The following NECAB1 variants were observed in gnomAD, a reference collection of about 807,000 sequenced individuals.
NECAB1 encodes N-terminal EF-hand calcium-binding protein 1.
Under a neutral mutation model 57.5 loss-of-function variants are expected in NECAB1, and 29 were observed. The observed-to-expected ratio is 0.50, with a 90% confidence interval of 0.38 to 0.69. The LOEUF (loss-of-function observed/expected upper bound fraction) is 0.69, where lower values mean the gene tolerates loss of function less well. Among genes scored for constraint, NECAB1 ranks in the 30% least tolerant of loss-of-function variants. The probability of loss-of-function intolerance (pLI) is 0.00; values close to 1 mark genes in which losing one functional copy is unlikely to be tolerated. For synonymous variants in NECAB1, 142 were observed against 147.7 expected, an observed-to-expected ratio of 0.96 and a Z score of 0.28; for missense variants, 372 against 413.8, an observed-to-expected ratio of 0.90 and a Z score of 0.88.
At position 90,953,717 on chromosome 8, in the gene NECAB1, A is replaced by G. The variant is rs545059663; in HGVS notation, c.1031-1770A>G. On this transcript the variant is annotated intron_variant, in intron 12 of 12. Transcript: ENST00000417640. Reference sequence around the variant, plus strand: ...TTTTAATGGCCATATAACTTCTAACACTATTTTTAAAAACCAGTTTTGTAC... The same window carrying G: ...TTTTAATGGCCATATAACTTCTAACGCTATTTTTAAAAACCAGTTTTGTAC... Among the ~76,000 whole-genome samples the G allele has an allele frequency of 9.8e-4, 150 of 152,316 alleles. 1 individual carries two copies. Among genetic ancestry groups the G allele is most frequent in the African/African-American group, 3.0e-3 (126 of 41,564 alleles).
chr8:90,797,441 A>G (rs1362354761), intron 1 of NECAB1, among the ~76,000 whole-genome samples: 2 of 152,228 alleles, frequency 1.3e-5, no homozygotes, highest in African/African-American at 4.8e-5. Context: ...ATGTTTTTAT[A>G]GTAGAAAGCA....
chr8:90,955,112 TTATATATA>T (rs59244524), intron 12 of NECAB1, among the ~76,000 whole-genome samples: 3,553 of 70,786 alleles, frequency 0.05, 310 homozygotes, highest in African/African-American at 0.15. Context: ...GGTATATAAA[TTATATATA>T]TATATATATA....
At chr8:90,802,505 A>T (rs929858924) in intron 2 of NECAB1, among the ~76,000 whole-genome samples, 2 of 152,204 alleles carry the variant, frequency 1.3e-5, no homozygotes, top group Admixed American at 1.3e-4. Flanking sequence ...TGGTAGAGGT[A>T]TATTCTTGAC....
intron 5 of NECAB1, among the ~76,000 whole-genome samples, chr8:90,890,580 A>C (rs915517468): frequency 6.6e-6 from 1 of 152,214 alleles, no homozygotes; most frequent in African/African-American, 2.4e-5. Flanking sequence ...TAATGAATAT[A>C]TATCAATAGA....
intron 4 of NECAB1, among the ~76,000 whole-genome samples, chr8:90,878,917 CTATATA>C (rs1438991590): frequency 1.4e-5 from 2 of 146,236 alleles, no homozygotes; most frequent in Non-Finnish European, 3.0e-5. Context: ...CTCTCTCTCT[CTATATA>C]TATATATAGT....
intron 2 of NECAB1, among the ~76,000 whole-genome samples, chr8:90,811,173 G>A (rs1314696422): frequency 6.6e-6 from 1 of 151,972 alleles, no homozygotes; most frequent in African/African-American, 2.4e-5. Context: ...GGATGGTCTC[G>A]ATCTCCTGAC....
chr8:90,841,032 C>T (rs1274357976), intron 3 of NECAB1, among the ~76,000 whole-genome samples: 3 of 150,290 alleles, frequency 2.0e-5, no homozygotes, highest in African/African-American at 7.4e-5. Flanking sequence ...CCGAGGCGGG[C>T]GGATCACGAG....
chr8:90,868,736 G>C (rs948144613), intron 3 of NECAB1, among the ~76,000 whole-genome samples: 1 of 152,152 alleles, frequency 6.6e-6, no homozygotes, highest in African/African-American at 2.4e-5. Context: ...AAGGGAAGCA[G>C]AGCATAAAAG....
chr8:90,936,506 C>T (rs944046507), intron 9 of NECAB1, among the ~76,000 whole-genome samples: 7 of 152,136 alleles, frequency 4.6e-5, no homozygotes, highest in African/African-American at 1.7e-4. Context: ...CCTACCATAG[C>T]TGAACCCCTG....
chr8:90,848,022 C>T (rs1812601706), intron 3 of NECAB1, among the ~76,000 whole-genome samples: 1 of 152,190 alleles, frequency 6.6e-6, no homozygotes, highest in East Asian at 1.9e-4. Flanking sequence ...TGAATTTCTC[C>T]CCAGAAAATG....
intron 1 of NECAB1, among the ~76,000 whole-genome samples, chr8:90,798,708 A>C (rs1811708227): frequency 6.6e-6 from 1 of 152,200 alleles, no homozygotes; most frequent in South Asian, 2.1e-4. Flanking sequence ...ACTGATGGGC[A>C]CTTAAGTTGA....
intron 2 of NECAB1, among the ~76,000 whole-genome samples, chr8:90,818,392 T>A (rs2221423): frequency 0.55 from 83,282 of 151,856 alleles, 26,316 homozygotes; most frequent in East Asian, 0.85. Flanking sequence ...TTGATTTTGG[T>A]TCTTTCTTCT....
At chr8:90,899,161 C>A (rs1482754008) in intron 5 of NECAB1, among the ~76,000 whole-genome samples, 1 of 152,220 alleles carries the variant, frequency 6.6e-6, no homozygotes, top group African/African-American at 2.4e-5. Flanking sequence ...CCCTGACTTA[C>A]ACCATCCTTA....
Position 90,917,482 on chromosome 8 carries a change from T to C in NECAB1, c.358-10T>C. On this transcript the variant is annotated splice_polypyrimidine_tract_variant and intron_variant, in intron 5 of 12. Transcript: ENST00000417640. ...CATACTTCTAATTGCATTTGTTTTG[T>C]CACCCTTAGGACTACCAAGAAGCCT... The C allele has an allele frequency of 1.9e-6, 3 of 1,570,418 alleles. No homozygotes were observed. Among genetic ancestry groups the C allele is most frequent in the Non-Finnish European group, 1.7e-6 (2 of 1,162,328 alleles).
chr8:90,841,722 G>C (rs1812460144), intron 3 of NECAB1, among the ~76,000 whole-genome samples: 1 of 152,166 alleles, frequency 6.6e-6, no homozygotes, highest in South Asian at 2.1e-4. Context: ...AGCATTCTGG[G>C]TTTCAGTATT....
At chr8:90,866,358 T>C (rs531119245) in intron 3 of NECAB1, among the ~76,000 whole-genome samples, 5 of 152,348 alleles carry the variant, frequency 3.3e-5, no homozygotes, top group African/African-American at 1.2e-4. Context: ...CAGATTCTCC[T>C]GCCTCAAATA....
At chr8:90,893,213 C>A (rs1809231386) in intron 5 of NECAB1, among the ~76,000 whole-genome samples, 2 of 152,018 alleles carry the variant, frequency 1.3e-5, no homozygotes, top group Non-Finnish European at 2.9e-5. Context: ...CCCTAGGAAT[C>A]CTTTCTTGAT....
intron 10 of NECAB1, among the ~76,000 whole-genome samples, 178 bp from the exon 11 acceptor site, chr8:90,949,629 A>G (rs1254757455): frequency 6.6e-6 from 1 of 152,236 alleles, no homozygotes; most frequent in Non-Finnish European, 1.5e-5. Context: ...CTTATGCCTA[A>G]CAGACATATT....
In NECAB1 at chr8:90,799,074, G is replaced by A. The variant is rs144639223; in HGVS notation, c.100-2617G>A. ...GATTAGTGATGTTGAGCATTTTTTC[G>A]TATGTTTGTTGGCCACTTGTATGTC... On this transcript the variant is annotated intron_variant, in intron 1 of 12. Transcript: ENST00000417640. Among the ~76,000 whole-genome samples, 1,053 of 152,044 alleles carry A rather than the reference G, an allele frequency of 6.9e-3. 12 individuals carry two copies. Among genetic ancestry groups the A allele is most frequent in the African/African-American group, 0.024 (994 of 41,496 alleles).
Sources: allele counts gnomAD v4.1 joint callset (sites outside exome capture counted in the v4.1 genomes callset), GRCh38; gene constraint gnomAD v4.1.1; transcripts MANE v1.5; gene names NCBI Gene and HGNC (gene_info 2026-07-23, HGNC 2026-07-21).